Variants in MAST4 observed in about 807,000 individuals in gnomAD.
MAST4 encodes microtubule-associated serine/threonine-protein kinase 4.
In MAST4, 89 loss-of-function variants were observed where a neutral mutation model predicts 162.7. The observed-to-expected ratio is 0.55, with a 90% CI of 0.46 to 0.65. MAST4 has a LOEUF of 0.65. Among genes scored for constraint, MAST4 ranks in the 30% least tolerant of loss-of-function variants. MAST4 has a pLI of 0.00. For missense variants in MAST4, 3,153 were observed against 3,374.0 expected (o/e 0.93, Z 1.62); for synonymous variants, 1,479 against 1,361.1 (o/e 1.09, Z -1.91).
At chr5:67,052,321 T>C (rs1408308147) in intron 4 of MAST4, among the ~76,000 whole-genome samples, 1 of 152,130 alleles carries the variant, frequency 6.6e-6, no homozygotes, top group African/African-American at 2.4e-5. Flanking sequence ...AACAAGTATA[T>C]TTTATTTGGG....
chr5:67,152,630 G>A lies in MAST4; in HGVS notation c.3296-7G>A. The A allele has an allele frequency of 1.9e-6, 3 of 1,612,542 alleles. No homozygotes were observed. The highest frequency in any genetic ancestry group is 8.5e-7 in the Non-Finnish European group (1 of 1,178,598). The stretch of plus-strand genomic sequence containing the variant: ...ATGGGCTTTGATGACTGGCTTCTTT[G>A]TTACAGATATGTTTGCTGTTTCCCC... On this transcript the variant is annotated splice_polypyrimidine_tract_variant and splice_region_variant and intron_variant, in intron 24 of 28. Coordinates refer to ENST00000403625, the MANE Select transcript of MAST4 (RefSeq NM_001164664.2).
chr5:66,940,163 A>AG (rs1743210675), intron 4 of MAST4, among the ~76,000 whole-genome samples: 1 of 152,162 alleles, frequency 6.6e-6, no homozygotes. Flanking sequence ...TTGCTAAAAA[A>AG]CAAGATCCTG....
intron 4 of MAST4, among the ~76,000 whole-genome samples, chr5:66,929,904 A>G (rs1561455037): frequency 6.6e-6 from 1 of 152,158 alleles, no homozygotes; most frequent in Non-Finnish European, 1.5e-5. Flanking sequence ...CTGCTTCTGA[A>G]CTTCTTTTAC....
chr5:66,917,915 G>C (rs981958415), intron 4 of MAST4, among the ~76,000 whole-genome samples: 3 of 151,934 alleles, frequency 2.0e-5, no homozygotes, highest in Admixed American at 2.0e-4. Flanking sequence ...TAAAATTGAA[G>C]GCGTTTTATC....
chr5:66,639,533 T>C (rs1259351456), intron 1 of MAST4, among the ~76,000 whole-genome samples: 2 of 152,134 alleles, frequency 1.3e-5, no homozygotes, highest in African/African-American at 4.8e-5. Flanking sequence ...TGAAACTGTA[T>C]CAAATGACTT....
At chr5:66,673,532 T>C (rs1302729393) in intron 1 of MAST4, among the ~76,000 whole-genome samples, 2 of 145,346 alleles carry the variant, frequency 1.4e-5, no homozygotes, top group Non-Finnish European at 3.1e-5. Flanking sequence ...TGTTTTTTGT[T>C]TTTTTTTTTT....
intron 3 of MAST4, among the ~76,000 whole-genome samples, chr5:66,846,521 G>A (rs1395783180): frequency 6.6e-6 from 1 of 152,138 alleles, no homozygotes; most frequent in Non-Finnish European, 1.5e-5. Context: ...GGTCTATGGA[G>A]GTACAGCTAG....
chr5:66,622,178 C>T (rs937376900), intron 1 of MAST4, among the ~76,000 whole-genome samples: 8 of 151,998 alleles, frequency 5.3e-5, no homozygotes, highest in East Asian at 1.9e-4. Context: ...AAGATGTTTC[C>T]GTGAAAGTGA....
At chr5:66,750,349 A>G (rs1276941087) in intron 1 of MAST4, among the ~76,000 whole-genome samples, 1 of 152,238 alleles carries the variant, frequency 6.6e-6, no homozygotes, top group African/African-American at 2.4e-5. Flanking sequence ...TGAGCGACGC[A>G]GGAAACGGTG....
chr5:67,157,521 T>C (rs889683497), intron 26 of MAST4, among the ~76,000 whole-genome samples: 6 of 152,264 alleles, frequency 3.9e-5, no homozygotes, highest in Non-Finnish European at 5.9e-5. Flanking sequence ...TCCTTCATTT[T>C]ATCTTGACAG....
intron 2 of MAST4, among the ~76,000 whole-genome samples, chr5:66,778,985 A>T (rs756118285): frequency 2.6e-5 from 4 of 152,082 alleles, no homozygotes; most frequent in Admixed American, 6.5e-5. Flanking sequence ...TGAAAGAAAA[A>T]CTTCTGATAC....
At chr5:66,835,342 GC>G (rs1157015165) in intron 3 of MAST4, among the ~76,000 whole-genome samples, 1 of 151,910 alleles carries the variant, frequency 6.6e-6, no homozygotes, top group Non-Finnish European at 1.5e-5. Context: ...TTCCATTCTT[GC>G]CTTAGCTGTC....
chr5:66,654,203 T>C (rs1285138515), intron 1 of MAST4, among the ~76,000 whole-genome samples: 1 of 152,144 alleles, frequency 6.6e-6, no homozygotes, highest in African/African-American at 2.4e-5. Context: ...TGAGGAGTAA[T>C]GTTTAATAAT....
At chr5:66,883,420 CTGTTTTT>C (rs1761826059) in intron 3 of MAST4, among the ~76,000 whole-genome samples, 4 of 125,514 alleles carry the variant, frequency 3.2e-5, no homozygotes, top group Non-Finnish European at 3.3e-5. Context: ...TGTTCTGTCA[CTGTTTTT>C]TTTTTTTTTT....
rs752796951 is a variant in MAST4 at position 66,845,085 on chromosome 5, T to TTA, written c.643-54825_643-54824dup. On this transcript the variant is annotated intron_variant, in intron 3 of 28. Coordinates refer to ENST00000403625, the MANE Select transcript of MAST4 (RefSeq NM_001164664.2). ...ACTGACCCATTAAGGTCACTAATCT[T>TTA]TATATATATATATATATATATATAT... Among the ~76,000 whole-genome samples the TTA allele has an allele frequency of 5.7e-3, 329 of 57,908 alleles. 2 individuals are homozygous for TTA. Among genetic ancestry groups the TTA allele is most frequent in the Middle Eastern group, 0.014 (1 of 72 alleles). 38.0% of individuals were successfully genotyped at this position (57,908 alleles called of 152,430 possible).
At chr5:67,096,026 T>G (rs1764424730) in intron 7 of MAST4, among the ~76,000 whole-genome samples, 1 of 152,112 alleles carries the variant, frequency 6.6e-6, no homozygotes, top group African/African-American at 2.4e-5. Context: ...AAAATGCCAT[T>G]GAACTTCGAT....
chr5:66,938,299 AT>A (rs1742982373), intron 4 of MAST4, among the ~76,000 whole-genome samples: 2 of 152,206 alleles, frequency 1.3e-5, no homozygotes, highest in Non-Finnish European at 2.9e-5. Context: ...AAATATTAAA[AT>A]TTAAAATGCC....
chr5:67,079,793 CATT>C (rs1762396041), intron 5 of MAST4, among the ~76,000 whole-genome samples: 1 of 152,148 alleles, frequency 6.6e-6, no homozygotes, highest in African/African-American at 2.4e-5. Context: ...CAAAGCTATC[CATT>C]ATTTTCTCTG....
At chr5:66,984,431 C>A (rs1749233305) in intron 4 of MAST4, among the ~76,000 whole-genome samples, 1 of 152,134 alleles carries the variant, frequency 6.6e-6, no homozygotes, top group South Asian at 2.1e-4. Flanking sequence ...TTCCTTTAAG[C>A]AGGATGGAAA....
Sources: allele counts gnomAD v4.1 joint callset (sites outside exome capture counted in the v4.1 genomes callset), GRCh38; gene constraint gnomAD v4.1.1; transcripts MANE v1.5; gene names NCBI Gene and HGNC (gene_info 2026-07-23, HGNC 2026-07-21).